CSMD1: variants seen among roughly 807,000 people sequenced by gnomAD.
CSMD1 encodes the protein CUB and sushi domain-containing protein 1.
Under a neutral mutation model 417.5 loss-of-function variants are expected in CSMD1, and 213 were observed. That is an observed-to-expected ratio of 0.51 (90% confidence interval 0.46 to 0.57). The LOEUF is 0.57. Among genes scored for constraint, CSMD1 ranks in the 20% least tolerant of loss-of-function variants. The probability of loss-of-function intolerance (pLI) is 0.00; values close to 1 mark genes in which losing one functional copy is unlikely to be tolerated. For missense variants in CSMD1, 6,923 were observed against 4,529.7 expected (o/e 1.53, Z -15.17); for synonymous variants, 2,862 against 1,736.8 (o/e 1.65, Z -16.11).
At chr8:3,610,154 G>C (rs1356438389) in intron 8 of CSMD1, among the ~76,000 whole-genome samples, 2 of 152,018 alleles carry the variant, frequency 1.3e-5, no homozygotes, top group African/African-American at 2.4e-5. Flanking sequence ...AGTGTCATAA[G>C]GCATCCTTAC....
At chr8:4,294,123 A>G (rs1797534922) in intron 3 of CSMD1, among the ~76,000 whole-genome samples, 1 of 152,176 alleles carries the variant, frequency 6.6e-6, no homozygotes, top group Non-Finnish European at 1.5e-5. Context: ...TAATGTGGCA[A>G]TGACACTGAC....
At chr8:4,305,532 C>T (rs1377795256) in intron 3 of CSMD1, among the ~76,000 whole-genome samples, 1 of 152,206 alleles carries the variant, frequency 6.6e-6, no homozygotes, top group Non-Finnish European at 1.5e-5. Flanking sequence ...CACAGAACAA[C>T]TTCCCAGTAT....
chr8:4,225,379 C>T (rs966725832), intron 3 of CSMD1, among the ~76,000 whole-genome samples: 1 of 151,900 alleles, frequency 6.6e-6, no homozygotes, highest in African/African-American at 2.4e-5. Context: ...CATCGTGTTT[C>T]TCATGAATTT....
At chr8:3,793,555 T>C (rs1272409180) in intron 5 of CSMD1, among the ~76,000 whole-genome samples, 2 of 150,116 alleles carry the variant, frequency 1.3e-5, no homozygotes, top group African/African-American at 2.5e-5. Context: ...TGACACCCCC[T>C]CCTCCAAAGC....
chr8:3,633,005 G>A (rs1482656067), intron 7 of CSMD1, among the ~76,000 whole-genome samples: 1 of 152,228 alleles, frequency 6.6e-6, no homozygotes. Flanking sequence ...TGAGAGATAT[G>A]TTTCCTCAGT....
At chr8:4,986,721 T>TA (rs972986020) in intron 1 of CSMD1, among the ~76,000 whole-genome samples, 25 of 151,984 alleles carry the variant, frequency 1.6e-4, no homozygotes, top group African/African-American at 3.9e-4. Flanking sequence ...GTAAAACTAT[T>TA]AAAAAAAAGA....
At chr8:4,446,721 G>C (rs992754179) in intron 2 of CSMD1, among the ~76,000 whole-genome samples, 3 of 145,400 alleles carry the variant, frequency 2.1e-5, no homozygotes, top group Non-Finnish European at 4.5e-5. Context: ...CCTGAGTTGT[G>C]TGTGTGTGTG....
chr8:3,793,064 A>G (rs1235809946), intron 5 of CSMD1, among the ~76,000 whole-genome samples: 1 of 152,172 alleles, frequency 6.6e-6, no homozygotes, highest in Non-Finnish European at 1.5e-5. Flanking sequence ...TAAAACACCC[A>G]AAAGAGTAGA....
At chr8:3,274,413 G>C (rs1319642262) in intron 26 of CSMD1, among the ~76,000 whole-genome samples, 1 of 152,138 alleles carries the variant, frequency 6.6e-6, no homozygotes, top group Non-Finnish European at 1.5e-5. Context: ...TGTTGATTTG[G>C]GGTGGAGAGT....
At chr8:3,004,458 G>A (rs1230926177) in intron 52 of CSMD1, among the ~76,000 whole-genome samples, 1 of 152,150 alleles carries the variant, frequency 6.6e-6, no homozygotes, top group Non-Finnish European at 1.5e-5. Flanking sequence ...TCAATCTTCT[G>A]CGTGAATTTA....
At chr8:3,547,886 A>T (rs143053482) in intron 10 of CSMD1, among the ~76,000 whole-genome samples, 345 of 152,366 alleles carry the variant, frequency 2.3e-3, no homozygotes, top group African/African-American at 8.0e-3. Flanking sequence ...TTTTAAGAAT[A>T]AGAAGTACTC....
intron 3 of CSMD1, among the ~76,000 whole-genome samples, chr8:4,240,143 C>T (rs1167449548): frequency 1.3e-5 from 2 of 152,144 alleles, no homozygotes; most frequent in Non-Finnish European, 2.9e-5. Flanking sequence ...GTAAAATAAA[C>T]ATTATTTAAT....
At chr8:4,416,975 A>T (rs1035377815) in intron 3 of CSMD1, among the ~76,000 whole-genome samples, 1 of 152,074 alleles carries the variant, frequency 6.6e-6, no homozygotes, top group African/African-American at 2.4e-5. Flanking sequence ...AATTTGTCAA[A>T]GACAGCTATG....
chr8:3,567,064 T>C (rs1026198459), intron 10 of CSMD1, among the ~76,000 whole-genome samples: 5 of 152,212 alleles, frequency 3.3e-5, no homozygotes, highest in Non-Finnish European at 7.3e-5. Context: ...AGAAAATTGG[T>C]ACATGTATAC....
rs553065209 is a variant in CSMD1, at chr8:3,299,674, G to A, written c.3950+8021C>T. Among the ~76,000 whole-genome samples, 9 of 152,164 alleles carry A rather than the reference G, an allele frequency of 5.9e-5. No individual in the cohort carries two copies. In the South Asian group the frequency reaches 1.2e-3, roughly 21 times the overall value. Reference sequence around the variant, plus strand: ...GCAGGAAAGGAATCCAGGGAAAGGAGAGAACCGGAAATGCAGGTGGGAGGT... The same window carrying A: ...GCAGGAAAGGAATCCAGGGAAAGGAAAGAACCGGAAATGCAGGTGGGAGGT... On this transcript the variant is annotated intron_variant, in intron 25 of 69. Transcript: ENST00000635120.
At chr8:4,733,427 T>G (rs564398849) in intron 1 of CSMD1, among the ~76,000 whole-genome samples, 1 of 152,056 alleles carries the variant, frequency 6.6e-6, no homozygotes, top group African/African-American at 2.4e-5. Context: ...GAAACAGACA[T>G]AGAGGGAAGG....
chr8:3,742,941 C>A (rs1276143991), intron 6 of CSMD1, among the ~76,000 whole-genome samples: 5 of 152,304 alleles, frequency 3.3e-5, no homozygotes, highest in South Asian at 2.1e-4. Flanking sequence ...TCGCACTCAT[C>A]TTCTTGACAG....
At chr8:4,993,292 G>A (rs1811573228) in intron 1 of CSMD1, among the ~76,000 whole-genome samples, 1 of 149,346 alleles carries the variant, frequency 6.7e-6, no homozygotes, top group Non-Finnish European at 1.5e-5. Flanking sequence ...GAACATCTAT[G>A]GAAGTGCTGA....
At chr8:4,824,998 T>C (rs548707506) in intron 1 of CSMD1, among the ~76,000 whole-genome samples, 3 of 152,204 alleles carry the variant, frequency 2.0e-5, no homozygotes, top group Non-Finnish European at 2.9e-5. Flanking sequence ...CGAACCTGAA[T>C]GCACTGCCAT....
Sources: gnomAD v4.1 joint callset for allele counts (sites outside exome capture counted in the v4.1 genomes callset) on GRCh38, gnomAD v4.1.1 for gene constraint, MANE v1.5 for transcripts, NCBI Gene and HGNC (gene_info 2026-07-23, HGNC 2026-07-21) for gene names.